The following CAP1 variants were observed in gnomAD, a reference collection of about 807,000 sequenced individuals.
CAP1 encodes the protein adenylyl cyclase-associated protein 1.
Under a neutral mutation model 58.2 loss-of-function variants are expected in CAP1, and 11 were observed. The ratio of observed to expected loss-of-function variants is 0.19; its 90% CI spans 0.12 to 0.31. The LOEUF (loss-of-function observed/expected upper bound fraction) is 0.31, where lower values mean the gene tolerates loss of function less well. Among genes scored for constraint, CAP1 ranks in the 10% least tolerant of loss-of-function variants. CAP1 has a pLI of 1.00. For missense variants in CAP1, 423 were observed against 587.5 expected, an observed-to-expected ratio of 0.72 and a Z score of 2.89; for synonymous variants, 183 against 213.8, an observed-to-expected ratio of 0.86 and a Z score of 1.26.
chr1:40,041,724 C>A (rs1645838958), intron 1 of CAP1, among the ~76,000 whole-genome samples: 1 of 152,180 alleles, frequency 6.6e-6, no homozygotes, highest in Non-Finnish European at 1.5e-5. Flanking sequence ...ACAATGTAGA[C>A]CCTGCCCGCG....
intron 1 of CAP1, among the ~76,000 whole-genome samples, chr1:40,046,198 G>A (rs1252392142): frequency 6.6e-6 from 1 of 152,212 alleles, no homozygotes; most frequent in African/African-American, 2.4e-5. Flanking sequence ...ATTCACGCCT[G>A]TAATCCCAGC....
rs1239382038 is a variant in CAP1, at chr1:40,061,780, G to A, written c.262G>A (p.Val88Ile). ...TTTGAAGTTGGAGCGAGCTCTGTTGGTTACAGCTTCTCAGTGTCAACAGCC... is the reference window on the plus strand; with the variant it reads ...TTTGAAGTTGGAGCGAGCTCTGTTGATTACAGCTTCTCAGTGTCAACAGCC... ...TGLKLERALL[V>I]TASQCQQPAE... Residue 88 changes from valine to isoleucine, a missense_variant, in exon 4 of 13, where the codon GTT becomes ATT. Val to Ile is a conservative substitution (Grantham distance 29, BLOSUM62 3). Transcript: ENST00000372805. The A allele has an allele frequency of 6.2e-7, 1 of 1,614,040 alleles. No homozygotes were observed. The highest frequency in any genetic ancestry group is 8.5e-7 in the Non-Finnish European group (1 of 1,180,010).
intron 1 of CAP1, among the ~76,000 whole-genome samples, chr1:40,051,069 G>C (rs1646342561): frequency 6.6e-6 from 1 of 151,972 alleles, no homozygotes. Flanking sequence ...GCCTCTTCAA[G>C]ATGCCTCACT....
Position 40,071,939 on chromosome 1 carries a change from G to T in CAP1, c.*406G>T, listed in dbSNP as rs1490699784. 7.3e-6 allele frequency: 3 copies of T among 409,356 alleles called. No individual in the cohort carries two copies. The highest frequency in any genetic ancestry group is 1.3e-5 in the Non-Finnish European group (3 of 231,304). 25.4% of individuals were successfully genotyped at this position (409,356 alleles called of 1,614,324 possible). ...TCTTTTTTTAACAATGAGCATGAAG[G>T]TAGCAGAAGCTGGTGTGTTTCCAGA... On this transcript the variant is annotated 3_prime_UTR_variant, in exon 13 of 13. Coordinates refer to ENST00000372805, the MANE Select transcript of CAP1 (RefSeq NM_006367.4).
chr1:40,057,393 T>C (rs1432497765), intron 1 of CAP1: 1 of 152,242 alleles, frequency 6.6e-6, no homozygotes, highest in African/African-American at 2.4e-5. Flanking sequence ...GATAGTGTCA[T>C]AACATTAGGG....
intron 1 of CAP1, among the ~76,000 whole-genome samples, chr1:40,050,964 A>G (rs1006303168): frequency 1.3e-5 from 2 of 152,134 alleles, no homozygotes; most frequent in East Asian, 1.9e-4. Flanking sequence ...TCCATGTTCC[A>G]TGCAGGCTAA....
rs371139543 is a variant in CAP1, at chr1:40,059,342, C to G, written c.-5C>G. On this transcript the variant is annotated 5_prime_UTR_variant, in exon 2 of 13. Coordinates refer to ENST00000372805, the MANE Select transcript of CAP1 (RefSeq NM_006367.4). The stretch of plus-strand genomic sequence containing the variant: ...CATTTGATCTGTTTCAGCAGGTGGT[C>G]CATTATGGCTGACATGCAAAATCTG... The G allele has an allele frequency of 1.3e-6, 2 of 1,569,506 alleles. No homozygotes were observed. The highest frequency in any genetic ancestry group is 1.8e-6 in the Non-Finnish European group (2 of 1,139,442).
chr1:40,043,343 G>A (rs771760074), intron 1 of CAP1, among the ~76,000 whole-genome samples: 4 of 151,996 alleles, frequency 2.6e-5, no homozygotes, highest in Admixed American at 2.0e-4. Flanking sequence ...GATTACAGGC[G>A]TGCGCCACCA....
intron 4 of CAP1, among the ~76,000 whole-genome samples, chr1:40,062,103 C>G (rs1646877618): frequency 6.6e-6 from 1 of 152,106 alleles, no homozygotes. Context: ...CATAGTGTCT[C>G]CAAAGCCCTT....
chr1:40,042,461 C>T (rs1268098093), intron 1 of CAP1, among the ~76,000 whole-genome samples: 1 of 152,116 alleles, frequency 6.6e-6, no homozygotes, highest in Non-Finnish European at 1.5e-5. Context: ...CAGGCAGAGA[C>T]TACTACAGGT....
At position 40,065,384 on chromosome 1, in the gene CAP1, T is replaced by C. The variant is rs189257183; in HGVS notation, c.524+825T>C. 7.3e-3 allele frequency among the ~76,000 whole-genome samples: 1,104 copies of C among 151,802 alleles called. 4 individuals carry two copies. Among genetic ancestry groups the C allele is most frequent in the Non-Finnish European group, 0.012 (805 of 67,864 alleles). ...TGATTGCAGGCAAAATTTATTAAGTTGCATATCTACACAAGCCTTTCCTTT... is the reference window on the plus strand; with the variant it reads ...TGATTGCAGGCAAAATTTATTAAGTCGCATATCTACACAAGCCTTTCCTTT... On this transcript the variant is annotated intron_variant, in intron 6 of 12. Transcript: ENST00000372805.
rs572609694 is a variant in CAP1, at chr1:40,053,070, A to G, written c.-10-6267A>G. 1.0e-3 allele frequency among the ~76,000 whole-genome samples: 153 copies of G among 152,200 alleles called. 2 individuals are homozygous for G. The highest frequency in any genetic ancestry group is 1.2e-3 in the East Asian group (6 of 5,144). On this transcript the variant is annotated intron_variant, in intron 1 of 12. Coordinates refer to ENST00000372805, the MANE Select transcript of CAP1 (RefSeq NM_006367.4). The stretch of plus-strand genomic sequence containing the variant: ...AAACCCCGTCTCTACTAAAAATACA[A>G]AAAATTAGCCGGGCGTGGTGGCAGG...
chr1:40,048,627 G>A (rs1239821168), intron 1 of CAP1, among the ~76,000 whole-genome samples: 2 of 152,072 alleles, frequency 1.3e-5, no homozygotes, highest in African/African-American at 4.8e-5. Context: ...GGTAGAAATT[G>A]TCAAAAACCC....
chr1:40,055,874 G>A (rs1000254086), intron 1 of CAP1, among the ~76,000 whole-genome samples: 21 of 152,246 alleles, frequency 1.4e-4, no homozygotes, highest in African/African-American at 4.8e-4. Flanking sequence ...ACACTAAATA[G>A]AGCCTATGGA....
chr1:40,050,858 A>G lies in CAP1; in HGVS notation c.-10-8479A>G, dbSNP rs1646330847. 2.0e-5 allele frequency among the ~76,000 whole-genome samples: 3 copies of G among 152,130 alleles called. No homozygotes were observed. In the South Asian group the frequency reaches 6.2e-4, roughly 32 times the overall value. On this transcript the variant is annotated intron_variant, in intron 1 of 12. Transcript: ENST00000372805. ...TCACTCAAAACCCTTGAATGGCTTC[A>G]CATTGATCACAACGTCAAATTTAAA...
chr1:40,071,877 C>A lies in CAP1; in HGVS notation c.*344C>A. On this transcript the variant is annotated 3_prime_UTR_variant, in exon 13 of 13. Coordinates refer to ENST00000372805, the MANE Select transcript of CAP1 (RefSeq NM_006367.4). Reference sequence around the variant, plus strand: ...ACAGTCCATTGGAAAGAAAACAGTCCCTGGAATTAACAGATCAGAATGTTC... The same window carrying A: ...ACAGTCCATTGGAAAGAAAACAGTCACTGGAATTAACAGATCAGAATGTTC... 2.3e-6 allele frequency: 1 copy of A among 439,506 alleles called. No homozygotes were observed. The highest frequency in any genetic ancestry group is 6.6e-5 in the South Asian group (1 of 15,086). 27.2% of individuals were successfully genotyped at this position (439,506 alleles called of 1,614,324 possible).
intron 1 of CAP1, among the ~76,000 whole-genome samples, chr1:40,046,586 A>T (rs892022862): frequency 6.6e-6 from 1 of 152,188 alleles, no homozygotes; most frequent in Non-Finnish European, 1.5e-5. Context: ...TGACAGGTAC[A>T]TTCTGAGAAA....
At chr1:40,053,021 G>A (rs1022005797) in intron 1 of CAP1, among the ~76,000 whole-genome samples, 8 of 152,028 alleles carry the variant, frequency 5.3e-5, no homozygotes, top group South Asian at 2.1e-4. Context: ...TCAGGAGATC[G>A]AGACCATCCT....
In CAP1 at chr1:40,072,405, G is replaced by GCCATA. The variant is rs1648234710; in HGVS notation, c.*872_*873insCCATA. ...CTTCTGTCTAAGCACCTGAACAGAG[G>GCCATA]ACTGAAACCTCCACTGCAGGCTGGT... On this transcript the variant is annotated 3_prime_UTR_variant, in exon 13 of 13. Transcript: ENST00000372805. 4.0e-6 allele frequency: 1 copy of GCCATA among 247,220 alleles called. No homozygotes were observed. Among genetic ancestry groups the GCCATA allele is most frequent in the Non-Finnish European group, 7.6e-6 (1 of 130,948 alleles). The allele number at this position is 247,220 out of a possible 1,614,324, so 15.3% of individuals were successfully genotyped here.
Sources: allele counts gnomAD v4.1 joint callset (sites outside exome capture counted in the v4.1 genomes callset), GRCh38; gene constraint gnomAD v4.1.1; transcripts MANE v1.5; gene names NCBI Gene and HGNC (gene_info 2026-07-23, HGNC 2026-07-21).